Variants in CWC27 observed in about 807,000 individuals in gnomAD.
CWC27 encodes spliceosome-associated protein CWC27 homolog.
CWC27 carries 47 observed loss-of-function variants against 63.6 expected under a neutral mutation model. That is an observed-to-expected ratio of 0.74 (90% CI 0.58 to 0.94). The LOEUF (loss-of-function observed/expected upper bound fraction) is 0.94, where lower values mean the gene tolerates loss of function less well. CWC27 is among the 40% of genes least tolerant of loss of function. The pLI is 0.00. For missense variants in CWC27, 495 were observed against 554.3 expected (o/e 0.89, Z 1.07); for synonymous variants, 175 against 179.8 (o/e 0.97, Z 0.22).
intron 10 of CWC27, among the ~76,000 whole-genome samples, chr5:64,862,395 C>T (rs1458805564): frequency 6.6e-6 from 1 of 152,078 alleles, no homozygotes; most frequent in Non-Finnish European, 1.5e-5. Context: ...TAGAAGAAAA[C>T]ACTCATATAC....
chr5:64,850,258 A>G (rs1046713074), intron 10 of CWC27, among the ~76,000 whole-genome samples: 11 of 144,546 alleles, frequency 7.6e-5, no homozygotes, highest in Non-Finnish European at 1.4e-4. Flanking sequence ...ATTGAAGGGC[A>G]TAATAGAAAA....
intron 10 of CWC27, among the ~76,000 whole-genome samples, chr5:64,822,246 A>G (rs1745221648): frequency 6.6e-6 from 1 of 152,210 alleles, no homozygotes; most frequent in Admixed American, 6.5e-5. Flanking sequence ...TTTGATAGGT[A>G]ATTTGCATCC....
intron 10 of CWC27, among the ~76,000 whole-genome samples, chr5:64,856,730 G>A (rs538797771): frequency 3.3e-5 from 5 of 152,154 alleles, no homozygotes; most frequent in Admixed American, 2.0e-4. Context: ...TAAGTTAAAG[G>A]TAAGCATTTG....
At chr5:64,805,586 A>T (rs144217515) in intron 10 of CWC27, among the ~76,000 whole-genome samples, 1 of 151,848 alleles carries the variant, frequency 6.6e-6, no homozygotes, top group Non-Finnish European at 1.5e-5. Flanking sequence ...TAGGTTTATA[A>T]TGTAACAAAA....
Position 64,781,975 on chromosome 5 carries a change from G to A in CWC27, c.194G>A (p.Gly65Asp). Residue 65 changes from glycine to aspartate, a missense_variant, in exon 3 of 14, where the codon GGC becomes GAC. Physicochemically the swap from Gly to Asp is moderately conservative, Grantham distance 94 (BLOSUM62 -1). Coordinates refer to ENST00000381070, the MANE Select transcript of CWC27 (RefSeq NM_005869.4). The part of the protein sequence containing the change: ...HRVVPGFIVQ[G>D]GDPTGTGSGG... The stretch of plus-strand genomic sequence containing the variant: ...GTTGTGCCTGGTTTCATAGTCCAAG[G>A]CGGAGATCCTACTGGCACAGGGAGT... 2 of 1,604,848 alleles carry A rather than the reference G, an allele frequency of 1.2e-6. No homozygotes were observed. Among genetic ancestry groups the A allele is most frequent in the Non-Finnish European group, 1.7e-6 (2 of 1,173,924 alleles).
chr5:65,004,045 A>G (rs1009725336), intron 13 of CWC27, among the ~76,000 whole-genome samples: 1 of 152,030 alleles, frequency 6.6e-6, no homozygotes, highest in Non-Finnish European at 1.5e-5. Flanking sequence ...AGGTTTTACC[A>G]TGTTGGCCAG....
intron 11 of CWC27, among the ~76,000 whole-genome samples, chr5:64,933,978 A>AT (rs1285188462): frequency 1.3e-5 from 2 of 152,110 alleles, no homozygotes; most frequent in Non-Finnish European, 2.9e-5. Flanking sequence ...CATAGCTGTT[A>AT]TTTTTTCCCA....
At chr5:64,898,124 A>G (rs984669294) in intron 11 of CWC27, among the ~76,000 whole-genome samples, 1 of 152,212 alleles carries the variant, frequency 6.6e-6, no homozygotes, top group African/African-American at 2.4e-5. Flanking sequence ...TGGCCACATA[A>G]TGGACCATAA....
intron 10 of CWC27, among the ~76,000 whole-genome samples, chr5:64,846,805 C>A (rs1371389121): frequency 6.6e-6 from 1 of 151,818 alleles, no homozygotes; most frequent in Non-Finnish European, 1.5e-5. Context: ...ACCAGCCTGG[C>A]CAATATGGTG....
intron 11 of CWC27, among the ~76,000 whole-genome samples, chr5:64,900,769 C>A (rs998370583): frequency 1.3e-5 from 2 of 151,964 alleles, no homozygotes; most frequent in Non-Finnish European, 1.5e-5. Flanking sequence ...ATACAGTCTG[C>A]GAAATGTGTT....
chr5:65,000,178 A>G (rs1749708000), intron 13 of CWC27, among the ~76,000 whole-genome samples: 1 of 151,936 alleles, frequency 6.6e-6, no homozygotes, highest in African/African-American at 2.4e-5. Flanking sequence ...ACTTTTTAAC[A>G]GGATTTTGGT....
intron 11 of CWC27, among the ~76,000 whole-genome samples, chr5:64,898,448 A>G (rs536905341): frequency 1.3e-5 from 2 of 152,318 alleles, no homozygotes; most frequent in African/African-American, 4.8e-5. Context: ...AATGACCAGA[A>G]GTATAACTTC....
chr5:64,790,230 C>G (rs1374867932), intron 7 of CWC27, among the ~76,000 whole-genome samples: 1 of 152,128 alleles, frequency 6.6e-6, no homozygotes, highest in East Asian at 1.9e-4. Context: ...GCTCTTATCC[C>G]TTGTTCAGAG....
At chr5:64,857,057 G>C (rs754234879) in intron 10 of CWC27, among the ~76,000 whole-genome samples, 1 of 152,150 alleles carries the variant, frequency 6.6e-6, no homozygotes, top group Admixed American at 6.5e-5. Context: ...CCCTGAAAAG[G>C]TACCATATTG....
At chr5:64,945,809 C>T (rs573091808) in intron 11 of CWC27, among the ~76,000 whole-genome samples, 5 of 152,082 alleles carry the variant, frequency 3.3e-5, no homozygotes, top group East Asian at 1.9e-4. Flanking sequence ...AGCTTAGAGA[C>T]GAAACCTACC....
chr5:65,010,216 C>T (rs1370316934), intron 13 of CWC27, among the ~76,000 whole-genome samples: 1 of 152,072 alleles, frequency 6.6e-6, no homozygotes, highest in East Asian at 1.9e-4. Flanking sequence ...AAAACAGGGA[C>T]ATACACCAGT....
At chr5:64,787,312 G>A (rs1743923871) in intron 6 of CWC27, among the ~76,000 whole-genome samples, 1 of 152,090 alleles carries the variant, frequency 6.6e-6, no homozygotes, top group Non-Finnish European at 1.5e-5. Context: ...CTACAAACAT[G>A]TCATCTCAGT....
intron 7 of CWC27, among the ~76,000 whole-genome samples, chr5:64,798,704 A>C (rs181809740): frequency 6.6e-6 from 1 of 152,206 alleles, no homozygotes; most frequent in African/African-American, 2.4e-5. Flanking sequence ...CTGTTTTTCA[A>C]ATTAAAAGTG....
chr5:64,991,100 A>AT (rs1749528931), intron 13 of CWC27, among the ~76,000 whole-genome samples: 1 of 152,218 alleles, frequency 6.6e-6, no homozygotes, highest in South Asian at 2.1e-4. Context: ...AGAAACAGAT[A>AT]TTGGGCGTAA....
Sources: gnomAD v4.1 joint callset for allele counts (sites outside exome capture counted in the v4.1 genomes callset) on GRCh38, gnomAD v4.1.1 for gene constraint, MANE v1.5 for transcripts, NCBI Gene and HGNC (gene_info 2026-07-23, HGNC 2026-07-21) for gene names.